OTOGL: variants seen among roughly 807,000 people sequenced by gnomAD.
OTOGL encodes otogelin-like protein.
A neutral mutation model predicts 318.5 loss-of-function variants in OTOGL; 285 were observed. That is an observed-to-expected ratio of 0.89 (90% CI 0.81 to 0.99). The LOEUF is 0.99. OTOGL is among the 50% of genes least tolerant of loss of function. OTOGL has a pLI of 0.00. For synonymous variants in OTOGL, 987 were observed against 936.5 expected (o/e 1.05, Z -0.99); for missense variants, 2,899 against 2,845.6 (o/e 1.02, Z -0.43).
chr12:80,352,078 A>C, intron 44 of OTOGL, among the ~76,000 whole-genome samples: 1 of 152,190 alleles, frequency 6.6e-6, no homozygotes, highest in Non-Finnish European at 1.5e-5. Flanking sequence ...TCTTTATAAG[A>C]AAGATTTGTG....
intron 29 of OTOGL, among the ~76,000 whole-genome samples, chr12:80,309,710 T>C (rs977215501): frequency 3.9e-5 from 6 of 152,122 alleles, no homozygotes; most frequent in Non-Finnish European, 8.8e-5. Context: ...TGTTCCTTCC[T>C]GAGGCAGGGC....
chr12:80,210,505 C>A (rs1466817374), intron 2 of OTOGL, among the ~76,000 whole-genome samples: 1 of 152,062 alleles, frequency 6.6e-6, no homozygotes, highest in Admixed American at 6.6e-5. Context: ...TTGTCCAACA[C>A]CATCATTTTA....
intron 1 of OTOGL, among the ~76,000 whole-genome samples, chr12:80,185,138 G>C (rs181683635): frequency 8.2e-4 from 125 of 152,270 alleles, no homozygotes; most frequent in African/African-American, 3.0e-3. Context: ...CTAAAGTGGA[G>C]CATGAGACAT....
At chr12:80,251,468 TTGA>T (rs568005082) in intron 11 of OTOGL, among the ~76,000 whole-genome samples, 155 of 152,354 alleles carry the variant, frequency 1.0e-3, no homozygotes, top group African/African-American at 3.6e-3. Flanking sequence ...TTAAAATGCT[TTGA>T]TGAAGATTAT....
Position 80,288,775 on chromosome 12 carries a change from A to AT in OTOGL, c.2929-8048dup, listed in dbSNP as rs755986874. ...ATTTATGTTCTTCTCTAAACTGGTT[A>AT]TTTTAGTTAGCAGTTCCTGTAACCT... On this transcript the variant is annotated intron_variant, in intron 26 of 58. Transcript: ENST00000547103. 2.6e-5 allele frequency among the ~76,000 whole-genome samples: 4 copies of AT among 152,026 alleles called. No individual in the cohort carries two copies. In the East Asian group the frequency reaches 5.8e-4, roughly 22 times the overall value.
chr12:80,314,975 A>C (rs1886876888), intron 32 of OTOGL, among the ~76,000 whole-genome samples: 1 of 152,244 alleles, frequency 6.6e-6, no homozygotes, highest in Non-Finnish European at 1.5e-5. Context: ...AGTCAGGCAC[A>C]GTGAGACAAA....
At chr12:80,262,440 T>A (rs1476168025) in intron 19 of OTOGL, among the ~76,000 whole-genome samples, 1 of 152,112 alleles carries the variant, frequency 6.6e-6, no homozygotes, top group African/African-American at 2.4e-5. Context: ...CTAGGAATCC[T>A]CTGAGAATGC....
At chr12:80,140,751 A>G (rs1257662064) in intron 1 of OTOGL, among the ~76,000 whole-genome samples, 1 of 152,212 alleles carries the variant, frequency 6.6e-6, no homozygotes, top group African/African-American at 2.4e-5. Flanking sequence ...GAAAATATGT[A>G]TTGTCAGTTA....
At chr12:80,186,688 C>T (rs1452496548) in intron 1 of OTOGL, among the ~76,000 whole-genome samples, 1 of 152,078 alleles carries the variant, frequency 6.6e-6, no homozygotes, top group Non-Finnish European at 1.5e-5. Context: ...CCCAACTCTT[C>T]TCTCCTTTCC....
chr12:80,351,568 C>G (rs1019563212), intron 44 of OTOGL, among the ~76,000 whole-genome samples: 5 of 152,080 alleles, frequency 3.3e-5, no homozygotes, highest in African/African-American at 4.8e-5. Flanking sequence ...CCTGCCTCAG[C>G]CTCCCAAGCC....
At position 80,126,670 on chromosome 12, in the gene OTOGL, A is replaced by C. The variant is rs1333437399; in HGVS notation, c.-20+27065A>C. ...ACATCTCCCGTTATTATTGTGTGGG[A>C]GTCTAAGCCTCTTTGTAGGTCTCTA... On this transcript the variant is annotated intron_variant, in intron 1 of 58. Coordinates refer to ENST00000547103, the MANE Select transcript of OTOGL (RefSeq NM_001378609.3). Among the ~76,000 whole-genome samples, 7 of 152,200 alleles carry C rather than the reference A, an allele frequency of 4.6e-5. No homozygotes were observed. The East Asian group carries it at 1.4e-3, about 29-fold the overall frequency.
At chr12:80,354,329 C>T (rs974412592) in intron 46 of OTOGL, among the ~76,000 whole-genome samples, 6 of 152,176 alleles carry the variant, frequency 3.9e-5, no homozygotes, top group African/African-American at 9.6e-5. Context: ...TAGATGCTGG[C>T]GCCATGCCCC....
At chr12:80,208,888 A>G (rs10506823) in intron 1 of OTOGL, among the ~76,000 whole-genome samples, 7,656 of 152,266 alleles carry the variant, frequency 0.05, 637 homozygotes, top group African/African-American at 0.18. Flanking sequence ...ATAGATGCAC[A>G]TAGTTTTAGT....
intron 44 of OTOGL, among the ~76,000 whole-genome samples, chr12:80,346,835 G>A (rs1405271023): frequency 6.6e-6 from 1 of 152,154 alleles, no homozygotes; most frequent in African/African-American, 2.4e-5. Flanking sequence ...GGACCAATTA[G>A]ATGTTAGTGC....
intron 27 of OTOGL, among the ~76,000 whole-genome samples, chr12:80,298,184 G>A (rs1885536751): frequency 6.6e-6 from 1 of 152,178 alleles, no homozygotes; most frequent in Non-Finnish European, 1.5e-5. Flanking sequence ...GATACATTCA[G>A]GTAAATAAGG....
At chr12:80,212,559 T>G (rs1393604596) in intron 4 of OTOGL, among the ~76,000 whole-genome samples, 1 of 152,174 alleles carries the variant, frequency 6.6e-6, no homozygotes, top group Non-Finnish European at 1.5e-5. Flanking sequence ...ATATGAAGGA[T>G]AATTGCAATT....
At chr12:80,232,149 T>C (rs1023622132) in intron 8 of OTOGL, among the ~76,000 whole-genome samples, 11 of 152,186 alleles carry the variant, frequency 7.2e-5, no homozygotes, top group African/African-American at 2.2e-4. Flanking sequence ...ATGGAAAAAT[T>C]AGACTTTGTA....
chr12:80,248,436 C>T (rs984075649), intron 11 of OTOGL, among the ~76,000 whole-genome samples: 2 of 143,620 alleles, frequency 1.4e-5, no homozygotes, highest in Non-Finnish European at 3.0e-5. Flanking sequence ...CTTAGTTTGG[C>T]TGGATATGAA....
In OTOGL at chr12:80,201,903, A is replaced by C. The variant is rs542907791; in HGVS notation, c.-19-7510A>C. Among the ~76,000 whole-genome samples, 5 of 152,320 alleles carry C rather than the reference A, an allele frequency of 3.3e-5. No individual in the cohort carries two copies. In the South Asian group the frequency reaches 1.0e-3, roughly 32 times the overall value. On this transcript the variant is annotated intron_variant, in intron 1 of 58. Coordinates refer to ENST00000547103, the MANE Select transcript of OTOGL (RefSeq NM_001378609.3). ...ATGTCAGGGAGGCAATGAATGAAGAACTGGGAATAATAACCTAATCAATCC... is the reference window on the plus strand; with the variant it reads ...ATGTCAGGGAGGCAATGAATGAAGACCTGGGAATAATAACCTAATCAATCC...
Sources: gnomAD v4.1 joint callset for allele counts (sites outside exome capture counted in the v4.1 genomes callset) on GRCh38, gnomAD v4.1.1 for gene constraint, MANE v1.5 for transcripts, NCBI Gene and HGNC (gene_info 2026-07-23, HGNC 2026-07-21) for gene names.